Variants in HDGFL3 observed in about 807,000 individuals in gnomAD.
HDGFL3 encodes hepatoma-derived growth factor-related protein 3.
A neutral mutation model predicts 27.6 loss-of-function variants in HDGFL3; 6 were observed. The ratio of observed to expected loss-of-function variants is 0.22; its 90% CI spans 0.12 to 0.43. The LOEUF (loss-of-function observed/expected upper bound fraction) is 0.43. HDGFL3 is among the 20% of genes least tolerant of loss of function. The probability of loss-of-function intolerance (pLI) is 1.00; values close to 1 mark genes in which losing one functional copy is unlikely to be tolerated. For synonymous variants in HDGFL3, 88 were observed against 88.9 expected (o/e 0.99, Z 0.05); for missense variants, 207 against 250.1 (o/e 0.83, Z 1.16).
At chr15:83,126,631 C>G (rs2035769686), downstream of HDGFL3, 5 of 721,240 alleles carry the variant, frequency 6.9e-6, no homozygotes, top group Non-Finnish European at 1.2e-5. Context: ...TGAGCCTCTA[C>G]AATGCATACG....
At chr15:83,168,033 T>C (rs1208820086) in intron 1 of HDGFL3, among the ~76,000 whole-genome samples, 2 of 152,040 alleles carry the variant, frequency 1.3e-5, no homozygotes, top group Non-Finnish European at 1.5e-5. Flanking sequence ...TACATGGAAA[T>C]TAAACAAATT....
chr15:83,161,742 CA>C (rs1301805923), intron 2 of HDGFL3, among the ~76,000 whole-genome samples: 1 of 152,186 alleles, frequency 6.6e-6, no homozygotes, highest in Non-Finnish European at 1.5e-5. Context: ...TTTTGATAAA[CA>C]ACCCTGTTTT....
intron 5 of HDGFL3, among the ~76,000 whole-genome samples, chr15:83,140,300 T>A (rs2036742185): frequency 6.6e-6 from 1 of 151,206 alleles, no homozygotes; most frequent in Non-Finnish European, 1.5e-5. Context: ...AGTAAATCTT[T>A]AAAAAAAAAG....
intron 1 of HDGFL3, among the ~76,000 whole-genome samples, chr15:83,178,496 C>A (rs1175238001): frequency 6.6e-6 from 1 of 152,098 alleles, no homozygotes; most frequent in Non-Finnish European, 1.5e-5. Flanking sequence ...CAGACCCCAT[C>A]TCTACAACAA....
At chr15:83,160,186 C>T (rs952074502) in intron 2 of HDGFL3, among the ~76,000 whole-genome samples, 2 of 151,590 alleles carry the variant, frequency 1.3e-5, no homozygotes, top group East Asian at 1.9e-4. Context: ...GAGGATATCT[C>T]TAAGGTTTTT....
intron 4 of HDGFL3, among the ~76,000 whole-genome samples, chr15:83,151,935 G>A (rs1199350826): frequency 6.6e-6 from 1 of 152,198 alleles, no homozygotes; most frequent in East Asian, 1.9e-4. Context: ...AGGCCATACT[G>A]TGAACCAGTC....
intron 1 of HDGFL3, among the ~76,000 whole-genome samples, chr15:83,190,263 C>T (rs901311225): frequency 1.3e-5 from 2 of 150,656 alleles, no homozygotes; most frequent in African/African-American, 4.9e-5. Context: ...CATTATGAAT[C>T]CTGTTGTTGT....
intron 2 of HDGFL3, among the ~76,000 whole-genome samples, chr15:83,162,063 CT>C (rs997746881): frequency 6.6e-6 from 1 of 152,138 alleles, no homozygotes; most frequent in African/African-American, 2.4e-5. Context: ...CAAACGTAGC[CT>C]TCTTGTTAAG....
intron 5 of HDGFL3, among the ~76,000 whole-genome samples, chr15:83,145,934 G>A (rs2036884994): frequency 1.1e-5 from 1 of 92,246 alleles, no homozygotes; most frequent in Non-Finnish European, 2.0e-5. Context: ...TTTTTGAGAT[G>A]GAGTCTCACT....
At chr15:83,164,504 G>A (rs1639776229) in intron 1 of HDGFL3, among the ~76,000 whole-genome samples, 2 of 151,366 alleles carry the variant, frequency 1.3e-5, no homozygotes. Flanking sequence ...GAACTATTAT[G>A]CAGTCATTAA....
intron 2 of HDGFL3, among the ~76,000 whole-genome samples, chr15:83,163,134 T>G (rs567070503): frequency 6.6e-6 from 1 of 152,330 alleles, no homozygotes; most frequent in East Asian, 1.9e-4. Flanking sequence ...TTAATGTCGA[T>G]AGGTTTTTGG....
chr15:83,136,412 C>G lies in HDGFL3; in HGVS notation c.*2858G>C, dbSNP rs935030111. Reference sequence around the variant, plus strand: ...AGAAACGTAGCCTGAATGAACCATTCAGAACTCATCATGCATCCAACTGAA... The same window carrying G: ...AGAAACGTAGCCTGAATGAACCATTGAGAACTCATCATGCATCCAACTGAA... On this transcript the variant is annotated 3_prime_UTR_variant, in exon 6 of 6. Coordinates refer to ENST00000299633, the MANE Select transcript of HDGFL3 (RefSeq NM_016073.4). The G allele has an allele frequency of 7.1e-7, 1 of 1,406,534 alleles. No individual in the cohort carries two copies. Among genetic ancestry groups the G allele is most frequent in the Non-Finnish European group, 9.6e-7 (1 of 1,040,530 alleles). The allele number at this position is 1,406,534 out of a possible 1,614,324, so 87.1% of individuals were successfully genotyped here.
intron 4 of HDGFL3, among the ~76,000 whole-genome samples, chr15:83,153,408 G>A (rs2036988649): frequency 6.6e-6 from 1 of 152,076 alleles, no homozygotes; most frequent in Non-Finnish European, 1.5e-5. Context: ...TAGTTTATAA[G>A]TATTACAATT....
intron 1 of HDGFL3, among the ~76,000 whole-genome samples, chr15:83,166,149 T>A (rs893590823): frequency 1.6e-4 from 24 of 152,064 alleles, no homozygotes; most frequent in African/African-American, 5.8e-4. Flanking sequence ...AGGCATATAG[T>A]CACTAGACTG....
At chr15:83,167,825 C>T (rs913196451) in intron 1 of HDGFL3, among the ~76,000 whole-genome samples, 9 of 152,272 alleles carry the variant, frequency 5.9e-5, no homozygotes, top group East Asian at 3.9e-4. Flanking sequence ...AACACTTGGA[C>T]CTAATAGACA....
At chr15:83,154,032 A>G (rs2036995835) in intron 4 of HDGFL3, among the ~76,000 whole-genome samples, 1 of 151,920 alleles carries the variant, frequency 6.6e-6, no homozygotes, top group Non-Finnish European at 1.5e-5. Flanking sequence ...ACATAAAAAC[A>G]GGCCGGGCAC....
chr15:83,118,248 CACACACACACACA>C (rs2034877641), intron 3 of HDGFL3, among the ~76,000 whole-genome samples: 1 of 151,946 alleles, frequency 6.6e-6, no homozygotes, highest in African/African-American at 2.4e-5. Flanking sequence ...CACACACACA[CACACACACACACA>C]CACATACAGA....
At position 83,157,559 on chromosome 15, in the gene HDGFL3, C is replaced by T. The variant is rs1174153845; in HGVS notation, c.315G>A (p.Gln105=). 1 of 1,612,858 alleles carries T rather than the reference C, an allele frequency of 6.2e-7. No homozygotes were observed. The highest frequency in any genetic ancestry group is 8.5e-7 in the Non-Finnish European group (1 of 1,179,650). The part of the protein sequence containing the change: ...KFTGYQAIQQ[Q]SSSETEGEGG... ...CTTCTCCCTCAGTTTCTGAAGAGCT[C>T]TGTTGCTGAATTGCCTAAGAAATAA... is the stretch of plus-strand genomic sequence containing the variant. Residue 105 remains glutamine, a synonymous_variant, in exon 4 of 6, where the codon CAG becomes CAA. Coordinates refer to ENST00000299633, the MANE Select transcript of HDGFL3 (RefSeq NM_016073.4).
intron 2 of HDGFL3, chr15:83,163,625 A>AT (rs1284271202): frequency 5.3e-6 from 1 of 188,874 alleles, no homozygotes; most frequent in Non-Finnish European, 1.1e-5. Flanking sequence ...CAGAGAGAAC[A>AT]TAACTTTGTT....
Sources: allele counts gnomAD v4.1 joint callset (sites outside exome capture counted in the v4.1 genomes callset), GRCh38; gene constraint gnomAD v4.1.1; transcripts MANE v1.5; gene names NCBI Gene and HGNC (gene_info 2026-07-23, HGNC 2026-07-21).